FAM149A: variants seen among roughly 807,000 people sequenced by gnomAD.
FAM149A encodes family with sequence similarity 149 member A.
Under a neutral mutation model 78.2 loss-of-function variants are expected in FAM149A, and 71 were observed. The observed-to-expected ratio is 0.91, with a 90% CI of 0.75 to 1.11. The LOEUF (loss-of-function observed/expected upper bound fraction) is 1.11. Ranked by LOEUF, FAM149A falls within the 50% of genes least tolerant of loss-of-function variation. The probability of loss-of-function intolerance (pLI) is 0.00; values close to 1 mark genes in which losing one functional copy is unlikely to be tolerated. For synonymous variants in FAM149A, 446 were observed against 410.5 expected (o/e 1.09, Z -1.04); for missense variants, 1,036 against 971.0 (o/e 1.07, Z -0.89).
At chr4:186,160,487 A>G (rs1426646946) in intron 8 of FAM149A, among the ~76,000 whole-genome samples, 1 of 147,678 alleles carries the variant, frequency 6.8e-6, no homozygotes, top group Non-Finnish European at 1.5e-5. Context: ...CACACACCAC[A>G]CACTATACAA....
chr4:186,124,562 C>T (rs1012029883), intron 1 of FAM149A, among the ~76,000 whole-genome samples: 1 of 151,926 alleles, frequency 6.6e-6, no homozygotes, highest in African/African-American at 2.4e-5. Flanking sequence ...TGGTTTTCAG[C>T]GTCATCCATG....
Position 186,163,575 on chromosome 4 carries a change from T to C in FAM149A, c.1831T>C (p.Ser611Pro), listed in dbSNP as rs144224944. 4.6e-4 allele frequency: 744 copies of C among 1,614,074 alleles called. No homozygotes were observed. The highest frequency in any genetic ancestry group is 5.9e-4 in the Non-Finnish European group (700 of 1,180,032). The change falls in exon 10 of 14, where the codon TCA (serine) becomes CCA (proline). Residue 611 changes from serine (S) to proline (P), a missense_variant. Ser to Pro is a moderately conservative substitution (Grantham distance 74). Coordinates refer to ENST00000389354, the MANE Select transcript of FAM149A (RefSeq NM_001367768.3). ...GAGGCTGCCTTCTCTTGCTTCAGAT[T>C]CACAGAGACTAAAAACTCCCAACAT...
Position 186,105,312 on chromosome 4 carries a change from C to A in FAM149A, c.236C>A (p.Ser79Tyr). The A allele has an allele frequency of 8.5e-7, 1 of 1,170,892 alleles. No homozygotes were observed. Among genetic ancestry groups the A allele is most frequent in the Non-Finnish European group, 1.1e-6 (1 of 940,700 alleles). The allele number at this position is 1,170,892 out of a possible 1,614,324, so 72.5% of individuals were successfully genotyped here. Residue 79 changes from serine (S) to tyrosine (Y), a missense_variant, in exon 1 of 14, where the codon TCC (serine) becomes TAC (tyrosine). Around this residue, in one of 3 missense-constraint regions of FAM149A, gnomAD observed 316 missense variants for 241.9 expected, o/e 1.31. Transcript: ENST00000389354. ...GCCCCGCTGCTCTCCTCCCCCTACT[C>A]CCGGGGCTCCGCCGCCAGCCGCGCC...
At position 186,171,941 on chromosome 4, in the gene FAM149A, A is replaced by G. The variant is rs755205050; in HGVS notation, c.2246A>G (p.Gln749Arg). The stretch of plus-strand genomic sequence containing the variant: ...TCACAATATGTGCCTAAATCTTTTC[A>G]GAGGACAACTTTGACTTTCAAGAGG... Residue 749 changes from glutamine to arginine, a missense_variant, in exon 14 of 14, where the codon CAG (glutamine) becomes CGG (arginine). Transcript: ENST00000389354. The G allele has an allele frequency of 2.2e-5, 36 of 1,611,906 alleles. 1 individual carries two copies. The highest frequency in any genetic ancestry group is 6.6e-5 in the South Asian group (6 of 90,464).
rs1035076989 is a variant in FAM149A, at chr4:186,105,519, G to A, written c.443G>A (p.Gly148Asp). The A allele has an allele frequency of 2.0e-5, 23 of 1,155,762 alleles. No homozygotes were observed. Among genetic ancestry groups the A allele is most frequent in the Admixed American group, 1.5e-4 (3 of 20,522 alleles). The allele number at this position is 1,155,762 out of a possible 1,614,324, so 71.6% of individuals were successfully genotyped here. Residue 148 changes from glycine to aspartate, a missense_variant, in exon 1 of 14, where the codon GGC (glycine) becomes GAC (aspartate). Gly to Asp is a moderately conservative substitution (Grantham distance 94). This residue lies in a region of FAM149A where 316 missense variants were observed against 241.9 expected (regional missense o/e 1.31). Transcript: ENST00000389354. ...CTCCCCAGGAACCCGCTCCAGCCTGGCCCCGGAGAGCGAGAGCTCGGCGCC... is the reference window on the plus strand; with the variant it reads ...CTCCCCAGGAACCCGCTCCAGCCTGACCCCGGAGAGCGAGAGCTCGGCGCC...
chr4:186,155,397 C>G (rs1417558985), intron 6 of FAM149A, among the ~76,000 whole-genome samples: 4 of 152,282 alleles, frequency 2.6e-5, no homozygotes, highest in South Asian at 4.2e-4. Flanking sequence ...TGAAATCAAG[C>G]ATCTTTTCTG....
chr4:186,142,519 A>C (rs1296968320), intron 1 of FAM149A, among the ~76,000 whole-genome samples: 7 of 152,118 alleles, frequency 4.6e-5, no homozygotes, highest in Non-Finnish European at 1.0e-4. Context: ...CATCTCTTTC[A>C]TTCTGGGACT....
At chr4:186,145,221 C>CT in intron 1 of FAM149A, 2 of 883,082 alleles carry the variant, frequency 2.3e-6, no homozygotes, top group Non-Finnish European at 2.7e-6. Flanking sequence ...TCCCTGCAGG[C>CT]ACTCGGGAAG....
intron 1 of FAM149A, among the ~76,000 whole-genome samples, chr4:186,129,295 A>G (rs2126342839): frequency 6.6e-6 from 1 of 152,234 alleles, no homozygotes; most frequent in Non-Finnish European, 1.5e-5. Context: ...CACACTGACC[A>G]ATATGGCCAA....
intron 1 of FAM149A, chr4:186,131,827 A>G: frequency 1.1e-6 from 1 of 934,576 alleles, no homozygotes; most frequent in Non-Finnish European, 1.3e-6. Context: ...ATTGCTAACC[A>G]AAAAGTAAAA....
At chr4:186,150,646 C>G (rs1457913205) in intron 3 of FAM149A, among the ~76,000 whole-genome samples, 2 of 145,828 alleles carry the variant, frequency 1.4e-5, no homozygotes, top group African/African-American at 2.5e-5. Flanking sequence ...GTCTCGATCT[C>G]CTGACCTCGT....
chr4:186,135,417 A>G lies in FAM149A; in HGVS notation c.567-13756A>G, dbSNP rs188030638. On this transcript the variant is annotated intron_variant, in intron 1 of 13. Transcript: ENST00000389354. ...ATAATCAGTTCTCATTATCCCTGGT[A>G]GTCATGGTCTGTGAAGTCACCGGAA... Among the ~76,000 whole-genome samples, 426 of 152,270 alleles carry G rather than the reference A, an allele frequency of 2.8e-3. 2 individuals are homozygous for G. The highest frequency in any genetic ancestry group is 9.9e-3 in the African/African-American group (410 of 41,554).
At chr4:186,136,976 T>TCTCTCTCTCTCTTTCTCTCTCTCTCTC in intron 1 of FAM149A, among the ~76,000 whole-genome samples, 1 of 72,092 alleles carries the variant, frequency 1.4e-5, no homozygotes, top group Non-Finnish European at 2.6e-5. Flanking sequence ...CTCTCTCTCT[T>TCTCTCTCTCTCTTTCTCTCTCTCTCTC]TCTCTCTCTC....
At chr4:186,120,412 A>C (rs2099315475) in intron 1 of FAM149A, among the ~76,000 whole-genome samples, 1 of 152,210 alleles carries the variant, frequency 6.6e-6, no homozygotes, top group Non-Finnish European at 1.5e-5. Context: ...AATGAGGATT[A>C]AAATCTACTT....
At chr4:186,127,200 G>A in intron 1 of FAM149A, 1 of 970,748 alleles carries the variant, frequency 1.0e-6, no homozygotes, top group Non-Finnish European at 1.2e-6. Flanking sequence ...ATCACACTGG[G>A]AGTTTGAAAT....
intron 8 of FAM149A, among the ~76,000 whole-genome samples, chr4:186,162,095 C>A (rs1294499683): frequency 6.6e-6 from 1 of 152,184 alleles, no homozygotes; most frequent in South Asian, 2.1e-4. Context: ...CCTTAGCTCA[C>A]GCTTTCTGTC....
chr4:186,150,953 G>A (rs1423889069), intron 3 of FAM149A: 2 of 794,298 alleles, frequency 2.5e-6, no homozygotes, highest in Admixed American at 6.2e-5. Context: ...AACTCCTGAC[G>A]TTGTGATCCG....
intron 1 of FAM149A, chr4:186,125,792 T>C: frequency 1.0e-6 from 1 of 985,298 alleles, no homozygotes; most frequent in Non-Finnish European, 1.2e-6. Flanking sequence ...GCTGGGGCCA[T>C]GAATACCCAA....
intron 1 of FAM149A, chr4:186,118,094 A>G: frequency 1.0e-6 from 1 of 985,438 alleles, no homozygotes; most frequent in Non-Finnish European, 1.2e-6. Flanking sequence ...ATGGTGGAAT[A>G]TGGCAGGAAG....
Sources: allele counts gnomAD v4.1 joint callset (sites outside exome capture counted in the v4.1 genomes callset), GRCh38; gene constraint gnomAD v4.1.1; regional missense constraint gnomAD v4.1.1; transcripts MANE v1.5; gene names NCBI Gene and HGNC (gene_info 2026-07-23, HGNC 2026-07-21).